The following ROBO1 variants were observed in gnomAD, a reference collection of about 807,000 sequenced individuals.
ROBO1 encodes the protein roundabout homolog 1.
In ROBO1, 149 loss-of-function variants were observed where a neutral mutation model predicts 195.9. That is an observed-to-expected ratio of 0.76 (90% CI 0.67 to 0.87). The LOEUF (loss-of-function observed/expected upper bound fraction) is 0.87, where lower values mean the gene tolerates loss of function less well. ROBO1 is among the 40% of genes least tolerant of loss of function. ROBO1 has a pLI of 0.00. For missense variants in ROBO1, 1,933 were observed against 2,068.3 expected (o/e 0.93, Z 1.27); for synonymous variants, 816 against 733.2 (o/e 1.11, Z -1.82).
intron 1 of ROBO1, among the ~76,000 whole-genome samples, chr3:79,663,669 A>C (rs1282363296): frequency 3.3e-5 from 5 of 151,818 alleles, no homozygotes; most frequent in Admixed American, 2.6e-4. Context: ...TTCTTAATCC[A>C]CCCTTTCTCT....
At chr3:79,066,703 A>T (rs1261546279) in intron 3 of ROBO1, among the ~76,000 whole-genome samples, 2 of 151,938 alleles carry the variant, frequency 1.3e-5, no homozygotes, top group African/African-American at 4.8e-5. Flanking sequence ...TTTTTACCAT[A>T]ATAATGAGCT....
Position 79,313,652 on chromosome 3 carries a change from T to C in ROBO1, c.89-188113A>G, listed in dbSNP as rs577952732. Reference sequence around the variant, plus strand: ...GTGCAAAGAGATAAAAAGAATCCTATGGTCATTATGTAGATGAAACAATCC... The same window carrying C: ...GTGCAAAGAGATAAAAAGAATCCTACGGTCATTATGTAGATGAAACAATCC... On this transcript the variant is annotated intron_variant, in intron 2 of 30. Transcript: ENST00000464233. Among the ~76,000 whole-genome samples, 13 of 152,320 alleles carry C rather than the reference T, an allele frequency of 8.5e-5. No homozygotes were observed. In the South Asian group the frequency reaches 1.0e-3, roughly 12 times the overall value.
intron 1 of ROBO1, among the ~76,000 whole-genome samples, chr3:79,682,567 A>G (rs960921140): frequency 1.3e-5 from 2 of 152,010 alleles, no homozygotes; most frequent in Non-Finnish European, 2.9e-5. Context: ...GAATATTCTC[A>G]TTACTTCTAA....
At position 79,243,743 on chromosome 3, in the gene ROBO1, T is replaced by C. The variant is rs2082568484; in HGVS notation, c.89-118204A>G. Among the ~76,000 whole-genome samples, 4 of 152,334 alleles carry C rather than the reference T, an allele frequency of 2.6e-5. No homozygotes were observed. The South Asian group carries it at 8.3e-4, about 32-fold the overall frequency. On this transcript the variant is annotated intron_variant, in intron 2 of 30. Transcript: ENST00000464233. Reference sequence around the variant, plus strand: ...TTCTGGATATTAGCCCTTTGTCAGATGAGTAGATTGCAAAAATTTTCTCCC... The same window carrying C: ...TTCTGGATATTAGCCCTTTGTCAGACGAGTAGATTGCAAAAATTTTCTCCC...
intron 2 of ROBO1, among the ~76,000 whole-genome samples, chr3:79,573,045 A>T (rs1943332929): frequency 6.6e-6 from 1 of 152,102 alleles, no homozygotes; most frequent in South Asian, 2.1e-4. Context: ...TTTAAAATAT[A>T]AATAATACAC....
At chr3:79,397,887 A>G (rs558310920) in intron 2 of ROBO1, among the ~76,000 whole-genome samples, 155 of 152,320 alleles carry the variant, frequency 1.0e-3, no homozygotes, top group African/African-American at 3.5e-3. Context: ...GTTTACTGAA[A>G]AACTAAAAAC....
At chr3:79,704,772 G>T (rs574471406) in intron 1 of ROBO1, among the ~76,000 whole-genome samples, 7 of 151,924 alleles carry the variant, frequency 4.6e-5, no homozygotes, top group African/African-American at 7.3e-5. Flanking sequence ...AAATGTCTTC[G>T]CAAGTGGCTA....
intron 2 of ROBO1, among the ~76,000 whole-genome samples, chr3:79,156,983 G>A (rs1381260376): frequency 6.6e-6 from 1 of 151,774 alleles, no homozygotes; most frequent in East Asian, 1.9e-4. Flanking sequence ...GGTTTGTTCT[G>A]TTCACTCTCA....
At chr3:79,419,452 A>C (rs986517804) in intron 2 of ROBO1, among the ~76,000 whole-genome samples, 1 of 152,102 alleles carries the variant, frequency 6.6e-6, no homozygotes, top group African/African-American at 2.4e-5. Context: ...GAAAAGCTAC[A>C]CGTTTGACAT....
Position 78,614,757 on chromosome 3 carries a change from A to G in ROBO1, c.4326T>C (p.Ser1442=), listed in dbSNP as rs749670662. 108 of 1,612,966 alleles carry G rather than the reference A, an allele frequency of 6.7e-5. No homozygotes were observed. Among genetic ancestry groups the G allele is most frequent in the Non-Finnish European group, 8.6e-5 (101 of 1,179,712 alleles). ...FHASQCPRPT[S]PVSTDSNMSA... ...TCATGTTGCTGTCTGTAGACACGGG[A>G]CTTGTGGGCCTAGGGCACTGAGACG... The change falls in exon 28 of 31, where the codon AGT becomes AGC. Residue 1442 remains serine, a synonymous_variant. Transcript: ENST00000464233.
intron 14 of ROBO1, among the ~76,000 whole-genome samples, chr3:78,666,960 G>A (rs575906305): frequency 5.3e-5 from 8 of 151,274 alleles, no homozygotes; most frequent in Non-Finnish European, 8.8e-5. Context: ...TTTATAGTTC[G>A]AATCACTCCC....
chr3:78,832,023 A>T (rs1263990195), intron 4 of ROBO1, among the ~76,000 whole-genome samples: 1 of 76,870 alleles, frequency 1.3e-5, no homozygotes, highest in Non-Finnish European at 3.4e-5. Flanking sequence ...GTATGAGGAA[A>T]TGATAAATGA....
chr3:79,556,614 A>G (rs546447081), intron 2 of ROBO1, among the ~76,000 whole-genome samples: 11 of 151,968 alleles, frequency 7.2e-5, no homozygotes, highest in Non-Finnish European at 1.6e-4. Flanking sequence ...TTGACAAATT[A>G]TTTTATTGTA....
intron 3 of ROBO1, among the ~76,000 whole-genome samples, chr3:79,001,207 G>A (rs1338295720): frequency 6.6e-6 from 1 of 152,058 alleles, no homozygotes. Context: ...GTTGACAGGT[G>A]CAGCAAACCA....
At chr3:79,680,648 AGAT>A (rs758745091) in intron 1 of ROBO1, among the ~76,000 whole-genome samples, 7 of 152,034 alleles carry the variant, frequency 4.6e-5, no homozygotes, top group African/African-American at 7.2e-5. Context: ...GCTGGTGCAA[AGAT>A]GATGACAGTC....
chr3:79,079,234 T>C (rs541428066), intron 3 of ROBO1, among the ~76,000 whole-genome samples: 2 of 151,966 alleles, frequency 1.3e-5, no homozygotes, highest in South Asian at 4.1e-4. Context: ...AATCACGTTT[T>C]CTTTAAAAGG....
At chr3:79,276,819 A>G (rs570713591) in intron 2 of ROBO1, among the ~76,000 whole-genome samples, 11 of 152,080 alleles carry the variant, frequency 7.2e-5, no homozygotes, top group Non-Finnish European at 1.6e-4. Context: ...ATTTAAATAC[A>G]TATTTCTCCA....
chr3:79,564,653 T>G (rs953991152), intron 2 of ROBO1, among the ~76,000 whole-genome samples: 1 of 152,046 alleles, frequency 6.6e-6, no homozygotes, highest in Non-Finnish European at 1.5e-5. Context: ...ACTTTCTTGA[T>G]TTTGCAAGAA....
intron 2 of ROBO1, among the ~76,000 whole-genome samples, chr3:79,329,825 C>T (rs1252597811): frequency 6.6e-5 from 10 of 152,198 alleles, no homozygotes. Context: ...ATTTAATGGA[C>T]ATAACCTTGT....
Sources: gnomAD v4.1 joint callset for allele counts (sites outside exome capture counted in the v4.1 genomes callset) on GRCh38, gnomAD v4.1.1 for gene constraint, MANE v1.5 for transcripts, NCBI Gene and HGNC (gene_info 2026-07-23, HGNC 2026-07-21) for gene names.